Variants in PLA2G4A observed in about 807,000 individuals in gnomAD.
PLA2G4A encodes the protein cytosolic phospholipase A2.
In PLA2G4A, 40 loss-of-function variants were observed where a neutral mutation model predicts 81.9. The ratio of observed to expected loss-of-function variants is 0.49; its 90% CI spans 0.38 to 0.64. The LOEUF (loss-of-function observed/expected upper bound fraction) is 0.64, where lower values mean the gene tolerates loss of function less well. Among genes scored for constraint, PLA2G4A ranks in the 30% least tolerant of loss-of-function variants. PLA2G4A has a pLI of 0.00. For synonymous variants in PLA2G4A, 302 were observed against 296.9 expected (o/e 1.02, Z -0.18); for missense variants, 715 against 905.1 (o/e 0.79, Z 2.69).
intron 2 of PLA2G4A, among the ~76,000 whole-genome samples, chr1:186,866,658 TA>T (rs1485100895): frequency 2.0e-5 from 3 of 152,128 alleles, no homozygotes; most frequent in East Asian, 3.8e-4. Context: ...AAATAATGGA[TA>T]AAAAATATTG....
At chr1:186,965,688 T>TTAA in intron 15 of PLA2G4A, 95 bp downstream of exon 15, 1 of 879,130 alleles carries the variant, frequency 1.1e-6, no homozygotes, top group African/African-American at 1.6e-5. Context: ...TCTTATTCCT[T>TTAA]TAATGTATTT....
chr1:186,942,156 A>G (rs1656176300), intron 10 of PLA2G4A, among the ~76,000 whole-genome samples: 1 of 152,144 alleles, frequency 6.6e-6, no homozygotes, highest in African/African-American at 2.4e-5. Context: ...GCAACAAGGA[A>G]CCACACATCT....
intron 3 of PLA2G4A, among the ~76,000 whole-genome samples, chr1:186,877,983 A>G (rs926997772): frequency 1.3e-5 from 2 of 150,130 alleles, no homozygotes; most frequent in African/African-American, 2.4e-5. Flanking sequence ...AACACCTTTG[A>G]GTGAATTTAA....
chr1:186,975,792 T>C (rs1485551149), intron 15 of PLA2G4A, among the ~76,000 whole-genome samples: 1 of 152,222 alleles, frequency 6.6e-6, no homozygotes, highest in African/African-American at 2.4e-5. Context: ...TGGTGTCTAA[T>C]TAGTTTGTCT....
intron 8 of PLA2G4A, among the ~76,000 whole-genome samples, chr1:186,934,564 A>G (rs1265625153): frequency 2.0e-5 from 3 of 151,344 alleles, no homozygotes; most frequent in Admixed American, 6.6e-5. Flanking sequence ...ACACACACAT[A>G]TATGTATACT....
intron 5 of PLA2G4A, among the ~76,000 whole-genome samples, chr1:186,896,420 T>A (rs951953672): frequency 2.6e-5 from 4 of 152,218 alleles, no homozygotes; most frequent in Admixed American, 6.5e-5. Flanking sequence ...CAGATCCATT[T>A]TGCTGAATCA....
chr1:186,947,178 T>A (rs974389166), intron 12 of PLA2G4A, among the ~76,000 whole-genome samples: 4 of 152,134 alleles, frequency 2.6e-5, no homozygotes, highest in African/African-American at 9.6e-5. Flanking sequence ...AAATCATTGA[T>A]TTCTAAGAGT....
intron 2 of PLA2G4A, among the ~76,000 whole-genome samples, chr1:186,856,954 C>G (rs1231590282): frequency 6.8e-6 from 1 of 148,112 alleles, no homozygotes; most frequent in Non-Finnish European, 1.5e-5. Flanking sequence ...GGTTGGAACA[C>G]AAAACATTTC....
At chr1:186,920,211 T>C (rs1299444848) in intron 7 of PLA2G4A, among the ~76,000 whole-genome samples, 1 of 152,204 alleles carries the variant, frequency 6.6e-6, no homozygotes, top group African/African-American at 2.4e-5. Flanking sequence ...CTGGTAACTT[T>C]AGCTGTAAAG....
chr1:186,874,839 T>TAA (rs1344546309), intron 3 of PLA2G4A, among the ~76,000 whole-genome samples: 1 of 152,110 alleles, frequency 6.6e-6, no homozygotes, highest in Non-Finnish European at 1.5e-5. Flanking sequence ...ATTTTCTTAA[T>TAA]AACCTCAAGC....
chr1:186,909,832 T>C (rs181921657), intron 6 of PLA2G4A, among the ~76,000 whole-genome samples: 4 of 152,274 alleles, frequency 2.6e-5, no homozygotes, highest in Admixed American at 1.3e-4. Flanking sequence ...TAAGATAGGT[T>C]TCCAGAAGTA....
At chr1:186,889,798 T>TC (rs1654071442) in intron 3 of PLA2G4A, among the ~76,000 whole-genome samples, 1 of 151,928 alleles carries the variant, frequency 6.6e-6, no homozygotes, top group South Asian at 2.1e-4. Flanking sequence ...CTCTCCCCCC[T>TC]CCCTCCCTCA....
chr1:186,932,294 C>CTTTTTTT (rs67757094), intron 7 of PLA2G4A, among the ~76,000 whole-genome samples: 55 of 138,538 alleles, frequency 4.0e-4, no homozygotes, highest in African/African-American at 9.4e-4. Context: ...TTTTCTTTTT[C>CTTTTTTT]TTTTTTTTTT....
chr1:186,972,104 T>C (rs917721014), intron 15 of PLA2G4A, among the ~76,000 whole-genome samples: 2 of 152,134 alleles, frequency 1.3e-5, no homozygotes, highest in African/African-American at 4.8e-5. Flanking sequence ...CCACAATTTA[T>C]GTTGTTGTAT....
At chr1:186,884,173 A>C (rs941071015) in intron 3 of PLA2G4A, among the ~76,000 whole-genome samples, 25 of 152,104 alleles carry the variant, frequency 1.6e-4, no homozygotes, top group African/African-American at 5.8e-4. Flanking sequence ...CTTAAATATG[A>C]ATACATTATT....
intron 3 of PLA2G4A, among the ~76,000 whole-genome samples, chr1:186,887,763 C>G (rs189600478): frequency 6.6e-6 from 1 of 152,278 alleles, no homozygotes; most frequent in Admixed American, 6.5e-5. Flanking sequence ...TGAAACTTCT[C>G]TAAAGTATTG....
chr1:186,912,905 T>C (rs959761835), intron 7 of PLA2G4A, among the ~76,000 whole-genome samples: 1 of 149,012 alleles, frequency 6.7e-6, no homozygotes, highest in Non-Finnish European at 1.5e-5. Flanking sequence ...ATTTTATCAA[T>C]AGGAAAAGTT....
intron 5 of PLA2G4A, 82 bp from the exon 6 acceptor site, chr1:186,906,883 C>T (rs1270079557): frequency 1.2e-5 from 9 of 746,998 alleles, no homozygotes; most frequent in South Asian, 4.9e-5. Flanking sequence ...ATCTGGCACT[C>T]AAAATTTATT....
chr1:186,887,063 A>G (rs1470920059), intron 3 of PLA2G4A, among the ~76,000 whole-genome samples: 4 of 152,162 alleles, frequency 2.6e-5, no homozygotes, highest in African/African-American at 9.6e-5. Context: ...CGTGAAGGTC[A>G]TGGTATTTCA....
Sources: gnomAD v4.1 joint callset for allele counts (sites outside exome capture counted in the v4.1 genomes callset) on GRCh38, gnomAD v4.1.1 for gene constraint, MANE v1.5 for transcripts, NCBI Gene and HGNC (gene_info 2026-07-23, HGNC 2026-07-21) for gene names.